TRIM22: variants seen among roughly 807,000 people sequenced by gnomAD.
TRIM22 encodes tripartite motif containing 22, also known as E3 ubiquitin-protein ligase TRIM22.
A neutral mutation model predicts 53.6 loss-of-function variants in TRIM22; 45 were observed. The ratio of observed to expected loss-of-function variants is 0.84; its 90% CI spans 0.66 to 1.08. The LOEUF (loss-of-function observed/expected upper bound fraction) is 1.08, where lower values mean the gene tolerates loss of function less well. TRIM22 is among the 50% of genes least tolerant of loss of function. The probability of loss-of-function intolerance (pLI) is 0.00; values close to 1 mark genes in which losing one functional copy is unlikely to be tolerated. For missense variants in TRIM22, 616 were observed against 590.9 expected, an observed-to-expected ratio of 1.04 and a Z score of -0.44; for synonymous variants, 225 against 216.6, an observed-to-expected ratio of 1.04 and a Z score of -0.34.
chr11:5,691,479 G>A (rs577242540), intron 1 of TRIM22, among the ~76,000 whole-genome samples: 3 of 152,278 alleles, frequency 2.0e-5, no homozygotes, highest in African/African-American at 4.8e-5. Context: ...CAGGTCCAGG[G>A]TGTGGCCCCG....
chr11:5,692,793 C>CAAAAAA lies in TRIM22; in HGVS notation c.-67+2905_-67+2910dup, dbSNP rs749260436. 5.0e-3 allele frequency among the ~76,000 whole-genome samples: 481 copies of CAAAAAA among 95,594 alleles called. 7 individuals carry two copies. The highest frequency in any genetic ancestry group is 0.012 in the East Asian group (39 of 3,248). The allele number at this position is 95,594 out of a possible 152,430, so 62.7% of individuals were successfully genotyped here. A position where few individuals can be genotyped will look rare whatever the true frequency, so the allele number is the denominator to read the frequency against. The stretch of plus-strand genomic sequence containing the variant: ...TGGGCAACGCAGTGAGACCTTGTCT[C>CAAAAAA]AAAAAAAAAAAAAAAAGATATTGAT... On this transcript the variant is annotated intron_variant, in intron 1 of 7. Transcript: ENST00000379965.
rs774175637 is a variant in TRIM22 at position 5,706,619 on chromosome 11, A to G, written c.773+3A>G. The G allele has an allele frequency of 3.7e-6, 6 of 1,610,088 alleles. No homozygotes were observed. Among genetic ancestry groups the G allele is most frequent in the Non-Finnish European group, 2.5e-6 (3 of 1,177,510 alleles). ...GATGTGATTGACGTCATGAAAAGGT[A>G]TATGTGGAAGAGAGATGTGGTCTTA... On this transcript the variant is annotated splice_donor_region_variant and intron_variant, in intron 5 of 7. Coordinates refer to ENST00000379965, the MANE Select transcript of TRIM22 (RefSeq NM_006074.5).
chr11:5,706,439 GT>G (rs1403695158), intron 4 of TRIM22, 154 bp from the exon 5 acceptor site: 27 of 481,794 alleles, frequency 5.6e-5, no homozygotes, highest in Non-Finnish European at 9.1e-5. Context: ...TAAAAGAAAT[GT>G]AATATTTTTA....
intron 4 of TRIM22, among the ~76,000 whole-genome samples, chr11:5,704,506 T>C (rs1003342925): frequency 2.0e-5 from 3 of 152,178 alleles, no homozygotes; most frequent in African/African-American, 7.2e-5. Context: ...AGGAGTCATT[T>C]ATAGATTCTG....
At chr11:5,708,059 G>T in intron 5 of TRIM22, 114 bp from the exon 6 acceptor site, 3 of 794,068 alleles carry the variant, frequency 3.8e-6, no homozygotes, top group Non-Finnish European at 6.4e-6. Context: ...ACTGTCCTCA[G>T]GGAAGAGGGT....
chr11:5,706,615 A>T lies in TRIM22; in HGVS notation c.772A>T (p.Arg258Trp), dbSNP rs1221701190. The T allele has an allele frequency of 6.2e-7, 1 of 1,611,822 alleles. No homozygotes were observed. Among genetic ancestry groups the T allele is most frequent in the African/African-American group, 1.3e-5 (1 of 74,856 alleles). The change falls in exon 5 of 8, where the codon AGG becomes TGG. Residue 258 changes from arginine to tryptophan, a missense_variant and splice_region_variant. Arg to Trp is a moderately radical substitution (Grantham distance 101). Coordinates refer to ENST00000379965, the MANE Select transcript of TRIM22 (RefSeq NM_006074.5). ...MLQDVIDVMKRSESWTLKKPK... is the reference protein window; with the variant it reads ...MLQDVIDVMKWSESWTLKKPK... ...CCAGGATGTGATTGACGTCATGAAA[A>T]GGTATATGTGGAAGAGAGATGTGGT... is the stretch of plus-strand genomic sequence containing the variant.
In TRIM22 at chr11:5,705,792, A is replaced by G. The variant is rs562627424; in HGVS notation, c.751-802A>G. On this transcript the variant is annotated intron_variant, in intron 4 of 7. Transcript: ENST00000379965. ...TGATGACTAAGTGGATATTGACACT[A>G]TTCGGGACAGTGGGGTGTAAATAGT... 6.6e-5 allele frequency among the ~76,000 whole-genome samples: 10 copies of G among 152,334 alleles called. No individual in the cohort carries two copies. In the South Asian group the frequency reaches 1.5e-3, roughly 22 times the overall value.
chr11:5,700,698 G>A (rs866685063), intron 4 of TRIM22, among the ~76,000 whole-genome samples: 33 of 145,406 alleles, frequency 2.3e-4, no homozygotes, highest in African/African-American at 7.6e-4. Flanking sequence ...GCAGTGGCAC[G>A]ATTTCGGCTC....
Position 5,696,562 on chromosome 11 carries a change from G to A in TRIM22, c.330G>A (p.Glu110=). The part of the protein sequence containing the change: ...HGKKLQIFCK[E]DGKVICWVCE... Reference sequence around the variant, plus strand: ...AAAAACTCCAGATCTTCTGTAAGGAGGATGGAAAAGTCATTTGCTGGGTTT... The same window carrying A: ...AAAAACTCCAGATCTTCTGTAAGGAAGATGGAAAAGTCATTTGCTGGGTTT... The change falls in exon 2 of 8, where the codon GAG becomes GAA. Residue 110 remains glutamate (E), a synonymous_variant. Coordinates refer to ENST00000379965, the MANE Select transcript of TRIM22 (RefSeq NM_006074.5). 1.9e-6 allele frequency: 3 copies of A among 1,614,236 alleles called. No homozygotes were observed. Among genetic ancestry groups the A allele is most frequent in the Non-Finnish European group, 2.5e-6 (3 of 1,180,048 alleles).
rs756100561 is a variant in TRIM22, at chr11:5,696,439, A to C, written c.207A>C (p.Arg69=). The C allele has an allele frequency of 1.9e-6, 3 of 1,614,204 alleles. No homozygotes were observed. The highest frequency in any genetic ancestry group is 2.2e-5 in the South Asian group (2 of 91,088). Residue 69 remains arginine (R), a synonymous_variant, in exon 2 of 8, where the codon CGA becomes CGC. Coordinates refer to ENST00000379965, the MANE Select transcript of TRIM22 (RefSeq NM_006074.5). ...CCAGATTCCAGCCTGGGAACCTCCG[A>C]CCTAATCGGCATCTGGCCAACATAG... ...CQTRFQPGNL[R]PNRHLANIVE... is the part of the protein sequence containing the mutation.
At chr11:5,692,876 C>CTTTTTTTTTTTT (rs376485434) in intron 1 of TRIM22, among the ~76,000 whole-genome samples, 1 of 132,918 alleles carries the variant, frequency 7.5e-6, no homozygotes, top group African/African-American at 2.8e-5. Context: ...TTAATTTAAT[C>CTTTTTTTTTTTT]TTTTTTTTTT....
At chr11:5,701,430 TTGTA>T (rs749259173) in intron 4 of TRIM22, among the ~76,000 whole-genome samples, 16 of 152,218 alleles carry the variant, frequency 1.1e-4, no homozygotes, top group Non-Finnish European at 2.1e-4. Flanking sequence ...AGAAAACATT[TTGTA>T]TGAGTTCAAT....
chr11:5,703,119 C>T (rs1853398942), intron 4 of TRIM22, among the ~76,000 whole-genome samples: 1 of 152,108 alleles, frequency 6.6e-6, no homozygotes, highest in African/African-American at 2.4e-5. Flanking sequence ...TTGGGTGATG[C>T]TGAGGTTTGG....
At chr11:5,693,132 C>A (rs1010813517) in intron 1 of TRIM22, among the ~76,000 whole-genome samples, 1 of 151,110 alleles carries the variant, frequency 6.6e-6, no homozygotes, top group African/African-American at 2.4e-5. Flanking sequence ...GGTAATCTGC[C>A]CGCCTCGGCC....
chr11:5,696,670 AGAG>A lies in TRIM22; in HGVS notation c.423+18_423+20del. ...AGGAATGTCAGGTAGGCTCCAAGAT[AGAG>A]GAAGAGAGAGCAGAGAGCAGAAGAT... On this transcript the variant is annotated intron_variant, in intron 2 of 7. Transcript: ENST00000379965. 2.5e-6 allele frequency: 4 copies of A among 1,593,874 alleles called. No homozygotes were observed. Among genetic ancestry groups the A allele is most frequent in the Non-Finnish European group, 3.4e-6 (4 of 1,173,694 alleles).
chr11:5,700,935 C>T (rs1043883785), intron 4 of TRIM22, among the ~76,000 whole-genome samples: 2 of 107,430 alleles, frequency 1.9e-5, no homozygotes, highest in Admixed American at 9.2e-5. Flanking sequence ...TGAATTTTGT[C>T]GAATAGCTTT....
At chr11:5,695,738 G>A (rs948552735) in intron 1 of TRIM22, among the ~76,000 whole-genome samples, 10 of 152,092 alleles carry the variant, frequency 6.6e-5, no homozygotes, top group African/African-American at 2.4e-4. Flanking sequence ...AAATATTCAT[G>A]AATCATGCAA....
At chr11:5,698,269 C>T (rs759771315) in intron 3 of TRIM22, 46 bp from the exon 4 acceptor site, 4 of 1,547,078 alleles carry the variant, frequency 2.6e-6, no homozygotes, top group Non-Finnish European at 3.6e-6. Context: ...CAAAGCAGGC[C>T]TTCAACCAGC....
chr11:5,690,406 A>G (rs1853154112), intron 1 of TRIM22, among the ~76,000 whole-genome samples: 2 of 152,208 alleles, frequency 1.3e-5, no homozygotes, highest in Admixed American at 6.5e-5. Context: ...TCAGTTGGCT[A>G]AACATTTTAA....
Sources: gnomAD v4.1 joint callset for allele counts (sites outside exome capture counted in the v4.1 genomes callset) on GRCh38, gnomAD v4.1.1 for gene constraint, MANE v1.5 for transcripts, NCBI Gene and HGNC (gene_info 2026-07-23, HGNC 2026-07-21) for gene names.